The following NAA16 variants were observed in gnomAD, a reference collection of about 807,000 sequenced individuals.
NAA16 encodes NARG1-like protein.
A neutral mutation model predicts 110.3 loss-of-function variants in NAA16; 97 were observed. The ratio of observed to expected loss-of-function variants is 0.88; its 90% confidence interval spans 0.75 to 1.04. NAA16 has a LOEUF of 1.04. Ranked by LOEUF, NAA16 falls within the 50% of genes least tolerant of loss-of-function variation. NAA16 has a pLI of 0.00. For synonymous variants in NAA16, 372 were observed against 330.6 expected (o/e 1.13, Z -1.36); for missense variants, 1,017 against 1,005.1 (o/e 1.01, Z -0.16).
chr13:41,371,605 A>G (rs1431119902), intron 15 of NAA16, among the ~76,000 whole-genome samples: 4 of 152,148 alleles, frequency 2.6e-5, no homozygotes, highest in Admixed American at 6.6e-5. Context: ...TTTATTTTCT[A>G]TAGCTTACTT....
intron 19 of NAA16, among the ~76,000 whole-genome samples, chr13:41,375,058 A>G (rs1247558629): frequency 2.0e-5 from 3 of 152,178 alleles, no homozygotes; most frequent in African/African-American, 7.2e-5. Flanking sequence ...CACAGAATCC[A>G]TGTGAGAGTT....
chr13:41,341,143 G>T (rs796823477), intron 9 of NAA16, among the ~76,000 whole-genome samples: 39 of 152,272 alleles, frequency 2.6e-4, no homozygotes, highest in African/African-American at 8.4e-4. Context: ...GTTGATTTGG[G>T]GTGGGGAGTT....
Position 41,336,598 on chromosome 13 carries a change from T to A in NAA16, c.908-52T>A, listed in dbSNP as rs2042387223. 4 of 1,098,772 alleles carry A rather than the reference T, an allele frequency of 3.6e-6. No individual in the cohort carries two copies. In the African/African-American group the frequency reaches 6.4e-5, roughly 18 times the overall value. 68.1% of individuals were successfully genotyped at this position (1,098,772 alleles called of 1,614,324 possible). Reference sequence around the variant, plus strand: ...TTTATTTTTATTTAGAAAATCATTTTAAGAATTGTTTGCGTGAACCAAAGA... The same window carrying A: ...TTTATTTTTATTTAGAAAATCATTTAAAGAATTGTTTGCGTGAACCAAAGA... On this transcript the variant is annotated intron_variant, in intron 8 of 19. Coordinates refer to ENST00000379406, the MANE Select transcript of NAA16 (RefSeq NM_024561.5).
chr13:41,323,542 C>T (rs2042003249), intron 5 of NAA16, among the ~76,000 whole-genome samples: 2 of 151,604 alleles, frequency 1.3e-5, no homozygotes, highest in Admixed American at 1.3e-4. Context: ...TAAGTAGAGA[C>T]AGGGTTTCAC....
At chr13:41,352,171 G>A (rs187476044) in intron 9 of NAA16, among the ~76,000 whole-genome samples, 11 of 151,972 alleles carry the variant, frequency 7.2e-5, no homozygotes, top group Middle Eastern at 6.8e-3. Flanking sequence ...GCAAAACCCC[G>A]TCTCTACAAA....
chr13:41,341,452 T>G (rs1780448966), intron 9 of NAA16, among the ~76,000 whole-genome samples: 1 of 152,204 alleles, frequency 6.6e-6, no homozygotes, highest in Non-Finnish European at 1.5e-5. Flanking sequence ...CCGTGGTGGC[T>G]CATGCCTGTA....
chr13:41,358,906 A>C lies in NAA16; in HGVS notation c.1354A>C (p.Met452Leu). 1 of 1,612,306 alleles carries C rather than the reference A, an allele frequency of 6.2e-7. No individual in the cohort carries two copies. Among genetic ancestry groups the C allele is most frequent in the Non-Finnish European group, 8.5e-7 (1 of 1,178,754 alleles). ...RFINSKCAKYMLRANMIKEAE... is the reference protein window; with the variant it reads ...RFINSKCAKYLLRANMIKEAE... ...CATCAATTCCAAATGTGCAAAATACATGCTTCGAGCAAATATGATAAAAGA... is the reference window on the plus strand; with the variant it reads ...CATCAATTCCAAATGTGCAAAATACCTGCTTCGAGCAAATATGATAAAAGA... The change falls in exon 12 of 20, where the codon ATG becomes CTG. Residue 452 changes from methionine (M) to leucine (L), a missense_variant. By Grantham distance (15) the Met-to-Leu change is conservative. Transcript: ENST00000379406.
Position 41,362,363 on chromosome 13 carries a change from A to G in NAA16, c.1539+204A>G, listed in dbSNP as rs372837182. ...AAGTGATTATGCTTTTGACATGTCTATATATTTTTGTCTGAAGGAAAAAGA... is the reference window on the plus strand; with the variant it reads ...AAGTGATTATGCTTTTGACATGTCTGTATATTTTTGTCTGAAGGAAAAAGA... On this transcript the variant is annotated intron_variant, in intron 13 of 19. Coordinates refer to ENST00000379406, the MANE Select transcript of NAA16 (RefSeq NM_024561.5). The G allele has an allele frequency of 2.6e-4, 130 of 503,876 alleles. 1 individual carries two copies. In the South Asian group the frequency reaches 3.2e-3, roughly 12 times the overall value. 31.2% of individuals were successfully genotyped at this position (503,876 alleles called of 1,614,324 possible).
chr13:41,373,646 A>G lies in NAA16; in HGVS notation c.2165A>G (p.His722Arg). The G allele has an allele frequency of 1.3e-6, 2 of 1,598,966 alleles. No homozygotes were observed. The highest frequency in any genetic ancestry group is 1.7e-6 in the Non-Finnish European group (2 of 1,174,390). The change falls in exon 18 of 20, where the codon CAT becomes CGT. Residue 722 changes from histidine (H) to arginine (R), a missense_variant. Coordinates refer to ENST00000379406, the MANE Select transcript of NAA16 (RefSeq NM_024561.5). ...LIRFSKSVSN[H>R]SNLPDIVSKV... ...GTTTTTGTTTTTATAGTGTCTAATC[A>G]TAGTAATCTTCCAGACATTGTGAGC...
At chr13:41,313,893 G>A (rs1012808892) in intron 1 of NAA16, among the ~76,000 whole-genome samples, 1 of 146,626 alleles carries the variant, frequency 6.8e-6, no homozygotes. Flanking sequence ...AGAGTGTATC[G>A]CTTTGTCGCC....
rs1213010194 is a variant in NAA16 at position 41,372,215 on chromosome 13, T to C, written c.1960T>C (p.Leu654=). ...PEKLERVENP[L]EEAVKFLIPL... is the part of the protein sequence containing the mutation. ...TGTTTCAAAATAGGTAGAAAATCCA[T>C]TAGAGGAAGCCGTTAAGTTCCTTAT... The change falls in exon 16 of 20, where the codon TTA becomes CTA. Residue 654 remains leucine, a synonymous_variant. Coordinates refer to ENST00000379406, the MANE Select transcript of NAA16 (RefSeq NM_024561.5). 4 of 1,565,818 alleles carry C rather than the reference T, an allele frequency of 2.6e-6. No homozygotes were observed. Among genetic ancestry groups the C allele is most frequent in the Non-Finnish European group, 3.5e-6 (4 of 1,158,210 alleles).
chr13:41,312,981 T>G (rs1202769115), intron 1 of NAA16, among the ~76,000 whole-genome samples: 1 of 152,158 alleles, frequency 6.6e-6, no homozygotes, highest in Non-Finnish European at 1.5e-5. Flanking sequence ...TATTTTTATT[T>G]TTAATTTTTT....
At chr13:41,319,060 C>T (rs1415518708) in intron 3 of NAA16, 150 bp downstream of exon 3, 1 of 429,712 alleles carries the variant, frequency 2.3e-6, no homozygotes, top group Non-Finnish European at 4.1e-6. Flanking sequence ...TCATTATCAA[C>T]ATTTTGTAAT....
At chr13:41,320,634 T>C (rs766058742) in intron 3 of NAA16, 33 bp from the exon 4 acceptor site, 2 of 1,541,374 alleles carry the variant, frequency 1.3e-6, no homozygotes, top group South Asian at 2.5e-5. Context: ...TATTCTAGTG[T>C]CTGTGTATGT....
intron 1 of NAA16, among the ~76,000 whole-genome samples, chr13:41,316,341 C>T (rs1593403327): frequency 6.9e-6 from 1 of 145,856 alleles, no homozygotes; most frequent in Non-Finnish European, 1.5e-5. Context: ...GAGTCTCGCT[C>T]TGTTTCCCAG....
chr13:41,355,218 T>C lies in NAA16; in HGVS notation c.1087+2T>C. On this transcript the variant is annotated splice_donor_variant, in intron 10 of 19. Coordinates refer to ENST00000379406, the MANE Select transcript of NAA16 (RefSeq NM_024561.5). LOFTEE classifies it high-confidence loss of function. ...CGTGTGACTTTTTTAGCCCATATGG[T>C]AAGTTTAAATTAGATTGAATTGGAA... The C allele has an allele frequency of 6.5e-7, 1 of 1,536,720 alleles. No individual in the cohort carries two copies. The highest frequency in any genetic ancestry group is 1.2e-5 in the South Asian group (1 of 84,590).
chr13:41,311,451 C>A lies in NAA16; in HGVS notation c.-78C>A. The A allele has an allele frequency of 7.1e-7, 1 of 1,415,582 alleles. No individual in the cohort carries two copies. The highest frequency in any genetic ancestry group is 9.7e-7 in the Non-Finnish European group (1 of 1,025,870). 87.7% of individuals were successfully genotyped at this position (1,415,582 alleles called of 1,614,324 possible). On this transcript the variant is annotated 5_prime_UTR_variant, in exon 1 of 20. Coordinates refer to ENST00000379406, the MANE Select transcript of NAA16 (RefSeq NM_024561.5). ...GCCCGACTCTCAGCAGCGGTTCGTC[C>A]CGGTGCCCACCCCCGCGAAGCGGAG... is the stretch of plus-strand genomic sequence containing the variant.
intron 15 of NAA16, among the ~76,000 whole-genome samples, chr13:41,370,519 G>A (rs1033497414): frequency 1.3e-5 from 2 of 152,168 alleles, no homozygotes; most frequent in African/African-American, 4.8e-5. Flanking sequence ...TAACCCCTGA[G>A]CCTTGAAGGG....
At chr13:41,369,801 G>T (rs756915588) in intron 15 of NAA16, among the ~76,000 whole-genome samples, 2 of 152,164 alleles carry the variant, frequency 1.3e-5, no homozygotes, top group Non-Finnish European at 2.9e-5. Flanking sequence ...GCTGAAAAAG[G>T]CATTGAACGG....
Sources: allele counts gnomAD v4.1 joint callset (sites outside exome capture counted in the v4.1 genomes callset), GRCh38; gene constraint gnomAD v4.1.1; transcripts MANE v1.5; gene names NCBI Gene and HGNC (gene_info 2026-07-23, HGNC 2026-07-21).